Variants in KMT2A observed in about 807,000 individuals in gnomAD.
KMT2A encodes histone-lysine N-methyltransferase 2A.
A neutral mutation model predicts 345.3 loss-of-function variants in KMT2A; 16 were observed. The observed-to-expected ratio is 0.05, with a 90% CI of 0.03 to 0.07. KMT2A has a LOEUF of 0.07. Among genes scored for constraint, KMT2A ranks in the 10% least tolerant of loss-of-function variants. The probability of loss-of-function intolerance (pLI) is 1.00; values close to 1 mark genes in which losing one functional copy is unlikely to be tolerated. For synonymous variants in KMT2A, 1,599 were observed against 1,778.6 expected (o/e 0.90, Z 2.54); for missense variants, 3,272 against 4,841.6 (o/e 0.68, Z 9.62).
At position 118,484,197 on chromosome 11, in the gene KMT2A, G is replaced by C. The variant is rs781789464; in HGVS notation, c.4101G>C (p.Pro1367=). 4 of 1,613,994 alleles carry C rather than the reference G, an allele frequency of 2.5e-6. No individual in the cohort carries two copies. Among genetic ancestry groups the C allele is most frequent in the African/African-American group, 1.3e-5 (1 of 75,014 alleles). ...TGTCTCCTTAGGAAAAACCACCTCC[G>C]GTCAATAAGCAGGAGAATGCAGGCA... The part of the protein sequence containing the change: ...QKPKEKEKPP[P]VNKQENAGTL... The change falls in exon 9 of 36, where the codon CCG becomes CCC. Residue 1367 remains proline, a synonymous_variant. Coordinates refer to ENST00000534358, the MANE Select transcript of KMT2A (RefSeq NM_001197104.2). The surrounding 1 kb of genome is among the most constrained non-coding windows in gnomAD (Gnocchi z 4.1).
intron 3 of KMT2A, 89 bp downstream of exon 3, chr11:118,474,404 C>A: frequency 6.9e-7 from 1 of 1,454,466 alleles, no homozygotes; most frequent in Non-Finnish European, 9.1e-7. Context: ...CAATTACATC[C>A]AGTTATGAGA....
At position 118,494,843 on chromosome 11, in the gene KMT2A, GT is replaced by G; in HGVS notation, c.5363+80del. 8.2e-7 allele frequency: 1 copy of G among 1,215,804 alleles called. No individual in the cohort carries two copies. The highest frequency in any genetic ancestry group is 1.2e-6 in the Non-Finnish European group (1 of 833,110). The allele number at this position is 1,215,804 out of a possible 1,614,324, so 75.3% of individuals were successfully genotyped here. A position where few individuals can be genotyped will look rare whatever the true frequency, so the allele number is the denominator to read the frequency against. On this transcript the variant is annotated intron_variant, in intron 18 of 35. Coordinates refer to ENST00000534358, the MANE Select transcript of KMT2A (RefSeq NM_001197104.2). This position sits in a 1 kb window ranked among gnomAD's most constrained non-coding sequence, Gnocchi z 5.8. Reference sequence around the variant, plus strand: ...AGAGTTCTCATATTTCTAGATTGCAGTTTTCCAAAAGGTTTTAATACTAGAA... The same window carrying G: ...AGAGTTCTCATATTTCTAGATTGCAGTTTCCAAAAGGTTTTAATACTAGAA...
Position 118,519,655 on chromosome 11 carries a change from T to C in KMT2A, c.11184T>C (p.Asp3728=). The change falls in exon 32 of 36, where the codon GAT becomes GAC. Residue 3728 remains aspartate (D), a synonymous_variant. Coordinates refer to ENST00000534358, the MANE Select transcript of KMT2A (RefSeq NM_001197104.2). ...NGLRMLGILH[D]AVVFLIEQLS... ...TGAGGATGCTGGGGATTCTCCATGA[T>C]GCAGTTGTGTTCCTCATTGAGCAGC... The C allele has an allele frequency of 6.2e-7, 1 of 1,614,120 alleles. No homozygotes were observed. Among genetic ancestry groups the C allele is most frequent in the Non-Finnish European group, 8.5e-7 (1 of 1,179,964 alleles).
chr11:118,445,743 C>T (rs1466000231), intron 1 of KMT2A, among the ~76,000 whole-genome samples: 1 of 152,208 alleles, frequency 6.6e-6, no homozygotes, highest in African/African-American at 2.4e-5. Flanking sequence ...TGGCTCACGC[C>T]TATAATCCCA....
In KMT2A at chr11:118,521,654, A is replaced by G. The variant is rs957477347; in HGVS notation, c.11643+237A>G. 3.9e-5 allele frequency among the ~76,000 whole-genome samples: 6 copies of G among 152,240 alleles called. 1 individual carries two copies. Among genetic ancestry groups the G allele is most frequent in the Admixed American group, 2.6e-4 (4 of 15,288 alleles). On this transcript the variant is annotated intron_variant, in intron 35 of 35. Transcript: ENST00000534358. The surrounding 1 kb of genome is among the most constrained non-coding windows in gnomAD (Gnocchi z 5.3). ...GTGGCTCCTAGTATCAGAAGCAAAT[A>G]GCTATACAAGTTTTAGGTTTCTCTC... is the stretch of plus-strand genomic sequence containing the variant.
Position 118,507,623 on chromosome 11 carries a change from T to C in KMT2A, c.10835+14T>C. 1.2e-6 allele frequency: 2 copies of C among 1,607,920 alleles called. No individual in the cohort carries two copies. Among genetic ancestry groups the C allele is most frequent in the Non-Finnish European group, 1.7e-6 (2 of 1,174,352 alleles). On this transcript the variant is annotated intron_variant, in intron 28 of 35. Transcript: ENST00000534358. The stretch of plus-strand genomic sequence containing the variant: ...GCAACCTGCAGGGTAAGCTGAAGAA[T>C]TCGTCTTTTAAGACTAAGCTCTCAG...
chr11:118,457,209 C>T (rs1166602762), intron 1 of KMT2A, among the ~76,000 whole-genome samples: 1 of 147,240 alleles, frequency 6.8e-6, no homozygotes, highest in Non-Finnish European at 1.5e-5. Context: ...CAAAGATAAA[C>T]TTCAAACTCA....
At chr11:118,460,970 C>T (rs1285188421) in intron 1 of KMT2A, among the ~76,000 whole-genome samples, 4 of 152,214 alleles carry the variant, frequency 2.6e-5, no homozygotes, top group African/African-American at 9.6e-5. Context: ...AGCCCTAGGG[C>T]AAGTGTATAA....
intron 7 of KMT2A, 66 bp downstream of exon 7, chr11:118,482,158 A>C: frequency 2.1e-5 from 31 of 1,495,680 alleles, no homozygotes; most frequent in Non-Finnish European, 2.5e-5. Context: ...CTGATGTCTC[A>C]AACAGCATTT....
chr11:118,443,508 C>T (rs950245182), intron 1 of KMT2A, among the ~76,000 whole-genome samples: 5 of 152,152 alleles, frequency 3.3e-5, no homozygotes, highest in African/African-American at 7.2e-5. Flanking sequence ...AATTTTGTTA[C>T]GTGATTTGTA....
chr11:118,469,681 T>C (rs1181968518), intron 2 of KMT2A, among the ~76,000 whole-genome samples: 2 of 152,218 alleles, frequency 1.3e-5, no homozygotes, highest in Non-Finnish European at 2.9e-5. Flanking sequence ...TGACTTCATA[T>C]ATGGTTTTCT....
intron 28 of KMT2A, among the ~76,000 whole-genome samples, chr11:118,508,833 G>A (rs1421410520): frequency 6.6e-6 from 1 of 151,678 alleles, no homozygotes; most frequent in Non-Finnish European, 1.5e-5. Flanking sequence ...AATTGCTTCT[G>A]ACAAGTGTCC....
Position 118,441,535 on chromosome 11 carries a change from T to C in KMT2A, c.432+4591T>C, listed in dbSNP as rs140548273. On this transcript the variant is annotated intron_variant, in intron 1 of 35. Coordinates refer to ENST00000534358, the MANE Select transcript of KMT2A (RefSeq NM_001197104.2). The stretch of plus-strand genomic sequence containing the variant: ...TGTCATTGTTGTGAATTCCAGACTA[T>C]CCAAAAGAGAAGTTATTTTCAGTCT... Among the ~76,000 whole-genome samples the C allele has an allele frequency of 1.6e-3, 242 of 152,294 alleles. 2 individuals carry two copies. Among genetic ancestry groups the C allele is most frequent in the African/African-American group, 5.7e-3 (235 of 41,554 alleles).
chr11:118,482,322 GTTTT>G, intron 7 of KMT2A, 96 bp from the exon 8 acceptor site: 6 of 678,914 alleles, frequency 8.8e-6, no homozygotes, highest in South Asian at 2.6e-5. Context: ...AGTTTAAATA[GTTTT>G]TTTTTTTTTT....
Position 118,476,852 on chromosome 11 carries a change from T to C in KMT2A, c.3204T>C (p.Ile1068=). 6.2e-7 allele frequency: 1 copy of C among 1,614,056 alleles called. No individual in the cohort carries two copies. Among genetic ancestry groups the C allele is most frequent in the Non-Finnish European group, 8.5e-7 (1 of 1,179,884 alleles). The change falls in exon 4 of 36, where the codon ATT becomes ATC. Residue 1068 remains isoleucine, a synonymous_variant. Transcript: ENST00000534358. The surrounding 1 kb of genome is among the most constrained non-coding windows in gnomAD (Gnocchi z 4.1). ...SSETSVRGPR[I]KHVCRRAAVA... ...AGACCTCTGTGCGAGGACCCCGGAT[T>C]AAACATGTCTGCAGAAGAGCAGCTG...
chr11:118,482,536 A>G (rs781808874), intron 8 of KMT2A, 41 bp downstream of exon 8: 2 of 1,414,724 alleles, frequency 1.4e-6, no homozygotes. Context: ...TCAGGGATGT[A>G]TTCTATTTTG....
Position 118,471,852 on chromosome 11 carries a change from A to G in KMT2A, c.693A>G (p.Val231=), listed in dbSNP as rs1949947621. 1.2e-6 allele frequency: 2 copies of G among 1,612,252 alleles called. No homozygotes were observed. The highest frequency in any genetic ancestry group is 4.5e-5 in the East Asian group (2 of 44,876). The change falls in exon 3 of 36, where the codon GTA becomes GTG. Residue 231 remains valine, a synonymous_variant. Transcript: ENST00000534358. ...GAAGACCTCCCACCTTCCCTGGAGT[A>G]AAAATCAAAATAACACATGGAAAGG... ...KRGRPPTFPG[V]KIKITHGKDI... is the part of the protein sequence containing the mutation.
At position 118,482,016 on chromosome 11, in the gene KMT2A, A is replaced by C; in HGVS notation, c.3936A>C (p.Thr1312=). ...TCATCCCGCCTCAGCCACCTACTAC[A>C]GGACCGCCAAGAAAAGAAGTTCCCA... The part of the protein sequence containing the change: ...ALVIPPQPPT[T]GPPRKEVPKT... The change falls in exon 7 of 36, where the codon ACA becomes ACC. Residue 1312 remains threonine (T), a synonymous_variant. Coordinates refer to ENST00000534358, the MANE Select transcript of KMT2A (RefSeq NM_001197104.2). The C allele has an allele frequency of 6.2e-7, 1 of 1,614,178 alleles. No individual in the cohort carries two copies. The highest frequency in any genetic ancestry group is 8.5e-7 in the Non-Finnish European group (1 of 1,179,998).
At position 118,491,185 on chromosome 11, in the gene KMT2A, T is replaced by C; in HGVS notation, c.4697-11T>C. ...GCCAAAGCACTGCTGTAAACTTTGC[T>C]TTGCTTTCAGGAAACTTCTGCCCTC... On this transcript the variant is annotated splice_polypyrimidine_tract_variant and intron_variant, in intron 13 of 35. Coordinates refer to ENST00000534358, the MANE Select transcript of KMT2A (RefSeq NM_001197104.2). This position sits in a 1 kb window ranked among gnomAD's most constrained non-coding sequence, Gnocchi z 4.2. 1 of 1,612,658 alleles carries C rather than the reference T, an allele frequency of 6.2e-7. No homozygotes were observed. The highest frequency in any genetic ancestry group is 1.1e-5 in the South Asian group (1 of 90,714).
Sources: allele counts gnomAD v4.1 joint callset (sites outside exome capture counted in the v4.1 genomes callset), GRCh38; gene constraint gnomAD v4.1.1; non-coding constraint Gnocchi (gnomAD v3.1); transcripts MANE v1.5; gene names NCBI Gene and HGNC (gene_info 2026-07-23, HGNC 2026-07-21).